RNF220: variants seen among roughly 807,000 people sequenced by gnomAD.
RNF220 encodes the protein E3 ubiquitin-protein ligase RNF220.
A neutral mutation model predicts 67.1 loss-of-function variants in RNF220; 7 were observed. That is an observed-to-expected ratio of 0.10 (90% CI 0.06 to 0.20). The LOEUF is 0.20. RNF220 is among the 10% of genes least tolerant of loss of function. The probability of loss-of-function intolerance (pLI) is 1.00; values close to 1 mark genes in which losing one functional copy is unlikely to be tolerated. For missense variants in RNF220, 565 were observed against 740.3 expected (o/e 0.76, Z 2.75); for synonymous variants, 270 against 283.2 (o/e 0.95, Z 0.47).
chr1:44,594,027 G>A (rs1666293840), intron 2 of RNF220, among the ~76,000 whole-genome samples: 2 of 151,010 alleles, frequency 1.3e-5, no homozygotes, highest in South Asian at 4.2e-4. Context: ...GGAGGTTGCA[G>A]TGAGCTGAGA....
Position 44,632,255 on chromosome 1 carries a change from G to T in RNF220, c.907-88G>T, listed in dbSNP as rs767216857. 7 of 1,613,472 alleles carry T rather than the reference G, an allele frequency of 4.3e-6. No individual in the cohort carries two copies. In the African/African-American group the frequency reaches 6.7e-5, roughly 15 times the overall value. ...TTGGGGCGGAGCAGCTTTGGTCGGG[G>T]GTCCGGTGCTGGGGCGGGGGCCAGG... On this transcript the variant is annotated intron_variant, in intron 5 of 14. Transcript: ENST00000361799.
chr1:44,556,750 G>A lies in RNF220; in HGVS notation c.626-57415G>A, dbSNP rs143925095. On this transcript the variant is annotated intron_variant, in intron 2 of 14. Transcript: ENST00000361799. ...ATTTTTTCCATTTTTTAGTAGAGACGGGGTTTCACTGTGTTAGCCAGGATG... is the reference window on the plus strand; with the variant it reads ...ATTTTTTCCATTTTTTAGTAGAGACAGGGTTTCACTGTGTTAGCCAGGATG... 6.1e-3 allele frequency among the ~76,000 whole-genome samples: 925 copies of A among 152,084 alleles called. 7 individuals carry two copies. The highest frequency in any genetic ancestry group is 0.022 in the African/African-American group (892 of 41,470).
intron 2 of RNF220, among the ~76,000 whole-genome samples, chr1:44,569,726 G>A (rs1419453071): frequency 6.6e-6 from 1 of 152,208 alleles, no homozygotes; most frequent in South Asian, 2.1e-4. Flanking sequence ...GTGGGAAGGG[G>A]TGTGGGGCTG....
At chr1:44,498,354 C>T (rs1657533272) in intron 2 of RNF220, among the ~76,000 whole-genome samples, 1 of 152,146 alleles carries the variant, frequency 6.6e-6, no homozygotes, top group Non-Finnish European at 1.5e-5. Context: ...TCACCAAGCT[C>T]TCCATTTGCT....
chr1:44,592,341 A>G (rs1441397559), intron 2 of RNF220, among the ~76,000 whole-genome samples: 5 of 152,206 alleles, frequency 3.3e-5, no homozygotes, highest in African/African-American at 1.2e-4. Flanking sequence ...GCAGCTGGTA[A>G]CAGGCTGTGC....
chr1:44,524,337 C>G (rs376980989), intron 2 of RNF220, among the ~76,000 whole-genome samples: 1 of 152,060 alleles, frequency 6.6e-6, no homozygotes, highest in East Asian at 1.9e-4. Context: ...AGCCCACCCT[C>G]AGACTCCTTG....
Position 44,645,186 on chromosome 1 carries a change from G to A in RNF220, c.1311-35G>A, listed in dbSNP as rs748192435. On this transcript the variant is annotated intron_variant, in intron 10 of 14. Coordinates refer to ENST00000361799, the MANE Select transcript of RNF220 (RefSeq NM_018150.4). The surrounding 1 kb of genome is among the most constrained non-coding windows in gnomAD (Gnocchi z 5.0). ...TCAGGGCTGTCCTGCCCGCCTTCAGGCCTCACTTTGTTTTTCCTCCCTCCT... is the reference window on the plus strand; with the variant it reads ...TCAGGGCTGTCCTGCCCGCCTTCAGACCTCACTTTGTTTTTCCTCCCTCCT... 1 of 1,613,954 alleles carries A rather than the reference G, an allele frequency of 6.2e-7. No homozygotes were observed. The highest frequency in any genetic ancestry group is 1.1e-5 in the South Asian group (1 of 91,072).
At chr1:44,636,248 C>A (rs1248332490) in intron 8 of RNF220, 86 bp downstream of exon 8, 6 of 1,537,838 alleles carry the variant, frequency 3.9e-6, no homozygotes, top group Non-Finnish European at 5.3e-6. Context: ...GAGGCCGAGG[C>A]TGGTGGCTGG....
chr1:44,406,414 C>T (rs1409156865), intron 1 of RNF220, among the ~76,000 whole-genome samples: 1 of 152,258 alleles, frequency 6.6e-6, no homozygotes, highest in African/African-American at 2.4e-5. Flanking sequence ...GGGACCCCCT[C>T]TCCCAGCGGT....
intron 2 of RNF220, among the ~76,000 whole-genome samples, chr1:44,584,601 C>T (rs547181878): frequency 6.6e-6 from 1 of 152,324 alleles, no homozygotes; most frequent in Non-Finnish European, 1.5e-5. Context: ...GTTGCAGGTA[C>T]TGGAACGTGG....
intron 2 of RNF220, among the ~76,000 whole-genome samples, chr1:44,602,446 A>G (rs2148401518): frequency 6.6e-6 from 1 of 152,196 alleles, no homozygotes; most frequent in Admixed American, 6.5e-5. Flanking sequence ...TAGAGAGAGT[A>G]AAGGGAGTAT....
At chr1:44,518,687 T>C (rs934655488) in intron 2 of RNF220, among the ~76,000 whole-genome samples, 2 of 152,016 alleles carry the variant, frequency 1.3e-5, no homozygotes, top group Non-Finnish European at 2.9e-5. Flanking sequence ...CCATCCTGGC[T>C]AACACAGTGA....
At chr1:44,438,467 A>G (rs988172569) in intron 2 of RNF220, among the ~76,000 whole-genome samples, 49 of 152,182 alleles carry the variant, frequency 3.2e-4, no homozygotes, top group South Asian at 2.1e-4. Flanking sequence ...TAATATGCCT[A>G]TCATTAAGTA....
chr1:44,599,967 G>C (rs1430501301), intron 2 of RNF220, among the ~76,000 whole-genome samples: 2 of 152,136 alleles, frequency 1.3e-5, no homozygotes, highest in Non-Finnish European at 2.9e-5. Context: ...TACATGAGGA[G>C]ACCTAAGAGT....
chr1:44,509,884 C>CTAAAAA (rs1557996558), intron 2 of RNF220, among the ~76,000 whole-genome samples: 1 of 80,408 alleles, frequency 1.2e-5, no homozygotes, highest in Non-Finnish European at 2.4e-5. Flanking sequence ...GAGACCCTGT[C>CTAAAAA]CAAAAAAAAA....
chr1:44,634,454 C>A (rs1269709978), intron 6 of RNF220, among the ~76,000 whole-genome samples: 6 of 152,206 alleles, frequency 3.9e-5, no homozygotes, highest in Non-Finnish European at 5.9e-5. Context: ...AACATAGCAG[C>A]TCTCACCTGT....
chr1:44,530,225 C>T (rs1660728656), intron 2 of RNF220, among the ~76,000 whole-genome samples: 1 of 152,046 alleles, frequency 6.6e-6, no homozygotes, highest in Admixed American at 6.6e-5. Flanking sequence ...AAACACATTT[C>T]ACTATAGTTG....
At position 44,645,029 on chromosome 1, in the gene RNF220, G is replaced by A. The variant is rs1644596742; in HGVS notation, c.1258G>A (p.Glu420Lys). The A allele has an allele frequency of 2.5e-6, 4 of 1,614,104 alleles. No homozygotes were observed. The highest frequency in any genetic ancestry group is 3.4e-6 in the Non-Finnish European group (4 of 1,180,004). Residue 420 changes from glutamate (E) to lysine (K), a missense_variant, in exon 10 of 15, where the codon GAG (glutamate) becomes AAG (lysine). Coordinates refer to ENST00000361799, the MANE Select transcript of RNF220 (RefSeq NM_018150.4). This position sits in a 1 kb window ranked among gnomAD's most constrained non-coding sequence, Gnocchi z 5.0. ...GGCTGATGTCATCCCCTGCACAGGC[G>A]AGGAGCCTGGTGAAGCCAAGGAGAG... ...TEADVIPCTG[E>K]EPGEAKEREA... is the part of the protein sequence containing the mutation.
intron 5 of RNF220, chr1:44,626,746 A>C (rs939778639): frequency 4.3e-6 from 1 of 230,518 alleles, no homozygotes; most frequent in African/African-American, 2.3e-5. Context: ...AGACTTCAAA[A>C]GCATGATACC....
Sources: allele counts gnomAD v4.1 joint callset (sites outside exome capture counted in the v4.1 genomes callset), GRCh38; gene constraint gnomAD v4.1.1; non-coding constraint Gnocchi (gnomAD v3.1); transcripts MANE v1.5; gene names NCBI Gene and HGNC (gene_info 2026-07-23, HGNC 2026-07-21).